The following TAFA4 variants were observed in gnomAD, a reference collection of about 807,000 sequenced individuals.
TAFA4 encodes chemokine-like protein TAFA-4.
TAFA4 carries 20 observed loss-of-function variants against 21.1 expected under a neutral mutation model. That is an observed-to-expected ratio of 0.95 (90% CI 0.67 to 1.38). The LOEUF (loss-of-function observed/expected upper bound fraction) is 1.38. Ranked by LOEUF, TAFA4 falls within the 40% of genes most tolerant of loss-of-function variation. The pLI is 0.00. For synonymous variants in TAFA4, 71 were observed against 67.4 expected (o/e 1.05, Z -0.26); for missense variants, 211 against 180.9 (o/e 1.17, Z -0.95).
chr3:68,927,409 A>T (rs1044900178), intron 1 of TAFA4, among the ~76,000 whole-genome samples: 1 of 152,366 alleles, frequency 6.6e-6, no homozygotes, highest in Admixed American at 6.5e-5. Context: ...GTCATTAAAA[A>T]AAATGAATAA....
intron 1 of TAFA4, among the ~76,000 whole-genome samples, chr3:68,886,548 C>T (rs572396248): frequency 1.3e-5 from 2 of 152,158 alleles, no homozygotes; most frequent in South Asian, 2.1e-4. Context: ...CCTTTCCTGG[C>T]TAATATTTTT....
At chr3:68,795,678 G>C (rs1703442200) in intron 3 of TAFA4, among the ~76,000 whole-genome samples, 1 of 152,148 alleles carries the variant, frequency 6.6e-6, no homozygotes, top group Non-Finnish European at 1.5e-5. Context: ...AGAGGCAAAA[G>C]ATAAAGAAAA....
intron 3 of TAFA4, among the ~76,000 whole-genome samples, chr3:68,826,443 G>T (rs1477045674): frequency 6.6e-6 from 1 of 151,970 alleles, no homozygotes; most frequent in Non-Finnish European, 1.5e-5. Flanking sequence ...CATGGTGGCG[G>T]GAGCCTGTAG....
chr3:68,910,388 T>C (rs2089950575), intron 1 of TAFA4, among the ~76,000 whole-genome samples: 1 of 152,234 alleles, frequency 6.6e-6, no homozygotes, highest in Non-Finnish European at 1.5e-5. Flanking sequence ...AGTGGAATCA[T>C]GATAGGCACC....
intron 3 of TAFA4, among the ~76,000 whole-genome samples, chr3:68,844,995 C>G (rs528405915): frequency 6.6e-6 from 1 of 152,234 alleles, no homozygotes; most frequent in South Asian, 2.1e-4. Context: ...GTGTATTCTG[C>G]TGATTTGGGG....
chr3:68,771,131 A>C (rs1286360564), intron 3 of TAFA4, among the ~76,000 whole-genome samples: 1 of 151,972 alleles, frequency 6.6e-6, no homozygotes, highest in Non-Finnish European at 1.5e-5. Flanking sequence ...CTCCCCATCC[A>C]TCTCACTGAG....
chr3:68,924,090 C>A (rs1001373757), intron 1 of TAFA4, among the ~76,000 whole-genome samples: 2 of 152,146 alleles, frequency 1.3e-5, no homozygotes, highest in Non-Finnish European at 2.9e-5. Flanking sequence ...AAATTAAACA[C>A]AGAATTATCA....
At chr3:68,852,079 C>G (rs1704964745) in intron 3 of TAFA4, among the ~76,000 whole-genome samples, 1 of 152,084 alleles carries the variant, frequency 6.6e-6, no homozygotes, top group Admixed American at 6.6e-5. Context: ...CAGTCCCTAC[C>G]TGAAGTCTTA....
chr3:68,752,310 A>G (rs1017046286), intron 4 of TAFA4, among the ~76,000 whole-genome samples: 2 of 152,154 alleles, frequency 1.3e-5, no homozygotes, highest in Non-Finnish European at 2.9e-5. Context: ...ACCTACAACC[A>G]TCAACATTCA....
At chr3:68,928,565 C>T (rs566968168) in intron 1 of TAFA4, among the ~76,000 whole-genome samples, 3 of 152,320 alleles carry the variant, frequency 2.0e-5, no homozygotes, top group Admixed American at 2.0e-4. Context: ...ACTCTTCCAT[C>T]GCCAGCTCCC....
chr3:68,795,062 A>G (rs1873264), intron 3 of TAFA4, among the ~76,000 whole-genome samples: 71,211 of 150,774 alleles, frequency 0.47, 17,281 homozygotes, highest in African/African-American at 0.54. Context: ...TGTCCTCAGC[A>G]CACAGGGTCT....
At chr3:68,741,884 G>A (rs6796615) in intron 4 of TAFA4, among the ~76,000 whole-genome samples, 98,219 of 152,072 alleles carry the variant, frequency 0.65, 32,301 homozygotes, top group East Asian at 0.98. Context: ...TAATAACGCC[G>A]GCATTACCTT....
At chr3:68,905,030 C>T (rs909550927) in intron 1 of TAFA4, among the ~76,000 whole-genome samples, 4 of 152,080 alleles carry the variant, frequency 2.6e-5, no homozygotes, top group African/African-American at 4.8e-5. Context: ...ATAGCAGCTC[C>T]CCCTGCATTA....
At position 68,797,929 on chromosome 3, in the gene TAFA4, T is replaced by C. The variant is rs1237760539; in HGVS notation, c.131-44911A>G. On this transcript the variant is annotated intron_variant, in intron 3 of 5. Transcript: ENST00000295569. The stretch of plus-strand genomic sequence containing the variant: ...TGCCACCGTACTATACACTTAAAAA[T>C]TGGTAAAATGGTAAATTCTATGCTT... 3.3e-5 allele frequency among the ~76,000 whole-genome samples: 5 copies of C among 152,164 alleles called. No homozygotes were observed. The South Asian group carries it at 6.2e-4, about 19-fold the overall frequency.
At chr3:68,864,371 C>T (rs2089389743) in intron 3 of TAFA4, among the ~76,000 whole-genome samples, 1 of 152,116 alleles carries the variant, frequency 6.6e-6, no homozygotes, top group South Asian at 2.1e-4. Context: ...CCATTAGGTT[C>T]ATGCAAATTA....
In TAFA4 at chr3:68,914,561, A is replaced by C. The variant is rs2107010750; in HGVS notation, c.-123+17679T>G. Among the ~76,000 whole-genome samples, 2 of 152,106 alleles carry C rather than the reference A, an allele frequency of 1.3e-5. 1 individual carries two copies. The highest frequency in any genetic ancestry group is 4.8e-5 in the African/African-American group (2 of 41,468). On this transcript the variant is annotated intron_variant, in intron 1 of 5. Transcript: ENST00000295569. The stretch of plus-strand genomic sequence containing the variant: ...AACTAAGAGTTTTAAAGTTTATTTA[A>C]ATTGTGATGCATTCGTGATGCACTT...
At chr3:68,922,974 T>C (rs940195908) in intron 1 of TAFA4, among the ~76,000 whole-genome samples, 4 of 152,100 alleles carry the variant, frequency 2.6e-5, no homozygotes, top group Non-Finnish European at 5.9e-5. Context: ...AACTCACCCA[T>C]GAGGAACATG....
At chr3:68,868,796 C>T (rs762849438) in intron 3 of TAFA4, among the ~76,000 whole-genome samples, 6 of 151,784 alleles carry the variant, frequency 4.0e-5, no homozygotes, top group Non-Finnish European at 5.9e-5. Flanking sequence ...AAGAGTAGAA[C>T]AAGTTCAAAT....
chr3:68,773,182 T>C (rs1444042322), intron 3 of TAFA4, among the ~76,000 whole-genome samples: 2 of 152,212 alleles, frequency 1.3e-5, no homozygotes, highest in Non-Finnish European at 2.9e-5. Context: ...TCTGCACTTC[T>C]GACCAACTTG....
Sources: allele counts gnomAD v4.1 joint callset (sites outside exome capture counted in the v4.1 genomes callset), GRCh38; gene constraint gnomAD v4.1.1; transcripts MANE v1.5; gene names NCBI Gene and HGNC (gene_info 2026-07-23, HGNC 2026-07-21).